The following TRPM3 variants were observed in gnomAD, a reference collection of about 807,000 sequenced individuals.
TRPM3 encodes long transient receptor potential channel 3.
In TRPM3, 77 loss-of-function variants were observed where a neutral mutation model predicts 181.2. That is an observed-to-expected ratio of 0.42 (90% CI 0.35 to 0.51). The LOEUF is 0.51. Among genes scored for constraint, TRPM3 ranks in the 20% least tolerant of loss-of-function variants. TRPM3 has a pLI of 0.01. For missense variants in TRPM3, 1,759 were observed against 2,196.7 expected, an observed-to-expected ratio of 0.80 and a Z score of 3.98; for synonymous variants, 745 against 796.4, an observed-to-expected ratio of 0.94 and a Z score of 1.09.
At chr9:70,832,905 T>C (rs544744692) in intron 5 of TRPM3, among the ~76,000 whole-genome samples, 1 of 152,364 alleles carries the variant, frequency 6.6e-6, no homozygotes, top group African/African-American at 2.4e-5. Context: ...TTATTAAGAA[T>C]TTCTTGAGGA....
At chr9:71,147,124 A>C (rs972466494) in intron 1 of TRPM3, among the ~76,000 whole-genome samples, 1 of 152,136 alleles carries the variant, frequency 6.6e-6, no homozygotes, top group Non-Finnish European at 1.5e-5. Flanking sequence ...CTAGGAGCCA[A>C]GTGTTCCCTT....
chr9:70,919,990 A>G (rs904560995), intron 1 of TRPM3, among the ~76,000 whole-genome samples: 7 of 152,164 alleles, frequency 4.6e-5, no homozygotes, highest in Non-Finnish European at 8.8e-5. Context: ...CCCTCCCTGC[A>G]GTTTACTAAA....
intron 1 of TRPM3, among the ~76,000 whole-genome samples, chr9:71,401,015 T>C (rs1471603858): frequency 1.3e-5 from 2 of 151,852 alleles, no homozygotes; most frequent in Non-Finnish European, 2.9e-5. Context: ...CTGGCCAACA[T>C]GGCAAAACCC....
chr9:70,563,717 A>C (rs986041708), intron 22 of TRPM3, among the ~76,000 whole-genome samples: 24 of 152,318 alleles, frequency 1.6e-4, no homozygotes, highest in African/African-American at 5.5e-4. Context: ...GGAGGAAGGG[A>C]GAAAGGAAAT....
intron 1 of TRPM3, among the ~76,000 whole-genome samples, chr9:70,922,029 G>C (rs1282959514): frequency 6.6e-6 from 1 of 151,388 alleles, no homozygotes; most frequent in Non-Finnish European, 1.5e-5. Flanking sequence ...CAATAAGCTG[G>C]TAATAAGAAT....
At chr9:71,073,971 A>AT (rs1197853078) in intron 1 of TRPM3, among the ~76,000 whole-genome samples, 3 of 152,064 alleles carry the variant, frequency 2.0e-5, no homozygotes, top group African/African-American at 7.2e-5. Context: ...TCATTGCTGG[A>AT]TTTTTTTCTG....
chr9:71,345,348 C>T (rs1008937103), intron 1 of TRPM3, among the ~76,000 whole-genome samples: 4 of 152,172 alleles, frequency 2.6e-5, no homozygotes, highest in East Asian at 1.9e-4. Context: ...CCCAAATTCC[C>T]ATCGATGATA....
At chr9:70,940,076 A>G (rs79486239) in intron 1 of TRPM3, among the ~76,000 whole-genome samples, 2,384 of 152,248 alleles carry the variant, frequency 0.016, 68 homozygotes, top group African/African-American at 0.053. Context: ...CAGGTGCTGG[A>G]GCCCTTCCTT....
At position 71,271,182 on chromosome 9, in the gene TRPM3, CAG is replaced by C. The variant is rs553728782; in HGVS notation, c.183+175469_183+175470del. Among the ~76,000 whole-genome samples the C allele has an allele frequency of 5.3e-5, 8 of 152,306 alleles. No homozygotes were observed. In the South Asian group the frequency reaches 1.7e-3, roughly 32 times the overall value. ...ATATAGAGCTCTTGTGACACCCACT[CAG>C]GGGCAAACGAACCTACCCTGTCACG... On this transcript the variant is annotated intron_variant, in intron 1 of 24. Transcript: ENST00000357533.
At chr9:71,238,099 A>C (rs903828611) in intron 1 of TRPM3, among the ~76,000 whole-genome samples, 4 of 152,148 alleles carry the variant, frequency 2.6e-5, no homozygotes, top group Admixed American at 2.6e-4. Context: ...CTTTTTTTTC[A>C]AATCAAAGTA....
intron 1 of TRPM3, among the ~76,000 whole-genome samples, chr9:71,235,958 T>G (rs1186006826): frequency 6.6e-6 from 1 of 152,208 alleles, no homozygotes; most frequent in Admixed American, 6.5e-5. Context: ...ATAACTTACT[T>G]TATTTGTTGT....
In TRPM3 at chr9:70,665,725, A is replaced by G. The variant is rs2061752637; in HGVS notation, c.1345+15781T>C. ...GCTTACTTATGACAAAAAGGAATTCATTTACACAGCTGGATATATAAAAAT... is the reference window on the plus strand; with the variant it reads ...GCTTACTTATGACAAAAAGGAATTCGTTTACACAGCTGGATATATAAAAAT... On this transcript the variant is annotated intron_variant, in intron 9 of 25. Coordinates refer to ENST00000677713, the MANE Select transcript of TRPM3 (RefSeq NM_001366145.2). Among the ~76,000 whole-genome samples, 5 of 152,198 alleles carry G rather than the reference A, an allele frequency of 3.3e-5. No homozygotes were observed. In the South Asian group the frequency reaches 1.0e-3, roughly 31 times the overall value.
intron 1 of TRPM3, among the ~76,000 whole-genome samples, chr9:71,283,850 A>G (rs2085058669): frequency 6.6e-6 from 1 of 152,220 alleles, no homozygotes; most frequent in Non-Finnish European, 1.5e-5. Context: ...CTAATATACC[A>G]ACATCTATGT....
At chr9:70,757,024 T>C (rs989906765) in intron 8 of TRPM3, among the ~76,000 whole-genome samples, 1 of 142,014 alleles carries the variant, frequency 7.0e-6, no homozygotes, top group East Asian at 2.0e-4. Flanking sequence ...CGAAAAACAC[T>C]TCAAAAAAAT....
intron 22 of TRPM3, among the ~76,000 whole-genome samples, chr9:70,573,840 A>C (rs575556969): frequency 3.5e-4 from 53 of 152,204 alleles, no homozygotes; most frequent in Non-Finnish European, 4.6e-4. Flanking sequence ...TTTAGGGCAA[A>C]CAGCCTGGAA....
intron 5 of TRPM3, among the ~76,000 whole-genome samples, chr9:70,834,659 C>T (rs1171703467): frequency 6.6e-6 from 1 of 152,128 alleles, no homozygotes; most frequent in African/African-American, 2.4e-5. Flanking sequence ...TGTGAAGATG[C>T]TGAAGCAGCC....
chr9:70,539,666 C>G (rs1326301694), intron 25 of TRPM3, among the ~76,000 whole-genome samples: 1 of 152,164 alleles, frequency 6.6e-6, no homozygotes, highest in Non-Finnish European at 1.5e-5. Flanking sequence ...CAGCTTTTCC[C>G]TCTTTCACTT....
At chr9:71,131,801 A>G (rs183482679) in intron 1 of TRPM3, among the ~76,000 whole-genome samples, 68 of 152,356 alleles carry the variant, frequency 4.5e-4, no homozygotes, top group African/African-American at 1.5e-3. Context: ...CATACAGAAG[A>G]ACTGGTTTTG....
chr9:71,244,895 T>C (rs1008034745), intron 1 of TRPM3, among the ~76,000 whole-genome samples: 3 of 152,154 alleles, frequency 2.0e-5, no homozygotes, highest in African/African-American at 7.2e-5. Context: ...TGGTTAATTC[T>C]TAGTGATAGA....
Sources: gnomAD v4.1 joint callset for allele counts (sites outside exome capture counted in the v4.1 genomes callset) on GRCh38, gnomAD v4.1.1 for gene constraint, MANE v1.5 for transcripts, NCBI Gene and HGNC (gene_info 2026-07-23, HGNC 2026-07-21) for gene names.